PVT1: variants seen among roughly 807,000 people sequenced by gnomAD.
PVT1 encodes Pvt1 oncogene, also known as CXCR4/PVT1 fusion.
intron 2 of PVT1, among the ~76,000 whole-genome samples, chr8:127,814,234 C>G (rs1402218359): frequency 2.0e-5 from 3 of 152,176 alleles, no homozygotes; most frequent in African/African-American, 7.2e-5. Flanking sequence ...TCATTATTCC[C>G]AAGAAAAGAG....
chr8:128,084,106 C>T lies in PVT1; in HGVS notation n.1115-12412C>T, dbSNP rs559634974. Among the ~76,000 whole-genome samples the T allele has an allele frequency of 2.0e-5, 3 of 152,166 alleles. No individual in the cohort carries two copies. In the South Asian group the frequency reaches 6.2e-4, roughly 32 times the overall value. On this transcript the variant is annotated intron_variant and non_coding_transcript_variant, in intron 5 of 10. Coordinates refer to ENST00000651587, the Ensembl canonical transcript of PVT1. Reference sequence around the variant, plus strand: ...GTTTCTACTCTATCCTTTATCCCCCCCTTGGCAGCCAGGGGATCCTTTAAA... The same window carrying T: ...GTTTCTACTCTATCCTTTATCCCCCTCTTGGCAGCCAGGGGATCCTTTAAA...
intron 3 of PVT1, among the ~76,000 whole-genome samples, chr8:127,961,714 T>C (rs960849810): frequency 1.2e-4 from 19 of 152,238 alleles, no homozygotes; most frequent in African/African-American, 4.6e-4. Context: ...ACTTGAAGGA[T>C]TGTTTTGCCA....
At chr8:127,812,519 C>A (rs1285670835) in intron 2 of PVT1, among the ~76,000 whole-genome samples, 1 of 150,524 alleles carries the variant, frequency 6.6e-6, no homozygotes, top group African/African-American at 2.4e-5. Flanking sequence ...ATGTTCCCAC[C>A]ACTGTACTCC....
intron 2 of PVT1, among the ~76,000 whole-genome samples, chr8:127,855,885 G>A (rs530239511): frequency 3.3e-5 from 5 of 152,208 alleles, no homozygotes; most frequent in Admixed American, 6.5e-5. Context: ...CTGTGCAGCC[G>A]CCCTGGCCAG....
rs191716177 is a variant in PVT1 at position 127,912,987 on chromosome 8, G to A, written n.782+21989G>A. Among the ~76,000 whole-genome samples, 25 of 148,992 alleles carry A rather than the reference G, an allele frequency of 1.7e-4. 1 individual carries two copies. The highest frequency in any genetic ancestry group is 5.7e-4 in the African/African-American group (23 of 40,396). On this transcript the variant is annotated intron_variant and non_coding_transcript_variant, in intron 3 of 10. Coordinates refer to ENST00000651587, the Ensembl canonical transcript of PVT1. ...TGTTGGGATTACAGGCGTGAGCCAC[G>A]CCCACCCACCCCCTTCACACCCCAC...
chr8:127,984,907 TTCTTTCTTTCTTTC>T lies in PVT1; in HGVS notation n.783-4247_783-4234del, dbSNP rs1301675020. Among the ~76,000 whole-genome samples the T allele has an allele frequency of 1.5e-3, 133 of 87,452 alleles. 8 individuals carry two copies. The highest frequency in any genetic ancestry group is 6.9e-3 in the East Asian group (26 of 3,780). 57.4% of individuals were successfully genotyped at this position (87,452 alleles called of 152,430 possible). A position where few individuals can be genotyped will look rare whatever the true frequency, so the allele number is the denominator to read the frequency against. ...TTTCTTTCTTTCTTTCTTTCTTTCT[TTCTTTCTTTCTTTC>T]TCTTTCTCTTTCTTTCTTTCTTTCC... On this transcript the variant is annotated intron_variant and non_coding_transcript_variant, in intron 3 of 10. Coordinates refer to ENST00000651587, the Ensembl canonical transcript of PVT1.
At chr8:127,847,957 G>T (rs1480603738) in intron 2 of PVT1, among the ~76,000 whole-genome samples, 2 of 152,084 alleles carry the variant, frequency 1.3e-5, no homozygotes, top group Non-Finnish European at 2.9e-5. Context: ...AGGCTGGAGT[G>T]CAGTGGTGTG....
intron 4 of PVT1, among the ~76,000 whole-genome samples, chr8:128,055,032 T>C (rs1813746902): frequency 6.6e-6 from 1 of 152,184 alleles, no homozygotes; most frequent in South Asian, 2.1e-4. Flanking sequence ...GCCTTTGGAT[T>C]AAAACTACAA....
intron 2 of PVT1, among the ~76,000 whole-genome samples, chr8:127,840,263 C>T (rs1814959407): frequency 6.6e-6 from 1 of 152,198 alleles, no homozygotes. Flanking sequence ...TGAACAGTCA[C>T]CCCTTCCTCT....
chr8:127,929,219 T>G (rs1168314594), intron 3 of PVT1, among the ~76,000 whole-genome samples: 2 of 111,310 alleles, frequency 1.8e-5, no homozygotes, highest in Non-Finnish European at 3.8e-5. Context: ...TTTTTTTTTA[T>G]TTGTAAGCAA....
chr8:128,013,493 G>A (rs1817338618), intron 4 of PVT1, among the ~76,000 whole-genome samples: 1 of 152,080 alleles, frequency 6.6e-6, no homozygotes, highest in South Asian at 2.1e-4. Flanking sequence ...TCCCTAACCT[G>A]ATATATTCAT....
chr8:128,048,238 A>G (rs1404027526), intron 4 of PVT1, among the ~76,000 whole-genome samples: 1 of 152,218 alleles, frequency 6.6e-6, no homozygotes, highest in Non-Finnish European at 1.5e-5. Flanking sequence ...GAAGGCACAC[A>G]ATAGGCTTTC....
At position 128,048,254 on chromosome 8, in the gene PVT1, A is replaced by G. The variant is rs1393598551; in HGVS notation, n.913-21906A>G. 2.0e-5 allele frequency among the ~76,000 whole-genome samples: 3 copies of G among 152,222 alleles called. No homozygotes were observed. In the East Asian group the frequency reaches 5.8e-4, roughly 29 times the overall value. On this transcript the variant is annotated intron_variant and non_coding_transcript_variant, in intron 4 of 10. Coordinates refer to ENST00000651587, the Ensembl canonical transcript of PVT1. ...AAGGCACACAATAGGCTTTCCACTA[A>G]TATTTGTGAATGAATGAATGAACAG... is the stretch of plus-strand genomic sequence containing the variant.
At chr8:128,016,860 T>C (rs1817380448) in intron 4 of PVT1, among the ~76,000 whole-genome samples, 1 of 152,214 alleles carries the variant, frequency 6.6e-6, no homozygotes, top group African/African-American at 2.4e-5. Context: ...TGGATGAGGA[T>C]GAGTTCCCTG....
intron 3 of PVT1, among the ~76,000 whole-genome samples, chr8:127,954,786 T>C (rs1816549800): frequency 1.3e-5 from 2 of 152,196 alleles, no homozygotes; most frequent in South Asian, 4.1e-4. Flanking sequence ...GAGCTGCTGC[T>C]CTGCAACTGG....
chr8:128,098,625 A>G (rs1814458792), intron 6 of PVT1, among the ~76,000 whole-genome samples: 1 of 152,196 alleles, frequency 6.6e-6, no homozygotes, highest in African/African-American at 2.4e-5. Flanking sequence ...AATGATGAAG[A>G]TGATAACTAC....
chr8:127,817,542 T>TAC (rs200706900), intron 2 of PVT1, among the ~76,000 whole-genome samples: 7,420 of 110,240 alleles, frequency 0.067, 419 homozygotes, highest in South Asian at 0.085. Flanking sequence ...TATATATATA[T>TAC]ATATACACAC....
At chr8:127,816,468 AT>A (rs1402874640) in intron 2 of PVT1, among the ~76,000 whole-genome samples, 3 of 142,444 alleles carry the variant, frequency 2.1e-5, no homozygotes, top group African/African-American at 7.9e-5. Flanking sequence ...TTGAATGTTG[AT>A]GTTTATCATG....
intron 3 of PVT1, among the ~76,000 whole-genome samples, chr8:127,952,526 C>T (rs1464511999): frequency 1.3e-5 from 2 of 152,252 alleles, no homozygotes; most frequent in African/African-American, 4.8e-5. Context: ...TTGATGCTTC[C>T]TTTACATCTT....
Sources: gnomAD v4.1 joint callset for allele counts (sites outside exome capture counted in the v4.1 genomes callset) on GRCh38, gnomAD v4.1.1 for gene constraint, MANE v1.5 for transcripts, NCBI Gene and HGNC (gene_info 2026-07-23, HGNC 2026-07-21) for gene names.